Variants in TGFBR2 observed in about 807,000 individuals in gnomAD.
The protein encoded by TGFBR2 is TGF-beta receptor type-2.
TGFBR2 carries 18 observed loss-of-function variants against 49.0 expected under a neutral mutation model. That is an observed-to-expected ratio of 0.37 (90% CI 0.25 to 0.54). The LOEUF is 0.54. TGFBR2 is among the 20% of genes least tolerant of loss of function. The pLI is 0.85. For synonymous variants in TGFBR2, 282 were observed against 275.9 expected (o/e 1.02, Z -0.22); for missense variants, 525 against 722.6 (o/e 0.73, Z 3.13).
chr3:30,667,609 A>C (rs1237933102), intron 3 of TGFBR2, among the ~76,000 whole-genome samples: 1 of 152,210 alleles, frequency 6.6e-6, no homozygotes, highest in Non-Finnish European at 1.5e-5. Flanking sequence ...AATCTTCTTC[A>C]GTCAGTGCCA....
chr3:30,660,095 C>T (rs745774253), intron 3 of TGFBR2, among the ~76,000 whole-genome samples: 1 of 151,990 alleles, frequency 6.6e-6, no homozygotes, highest in Non-Finnish European at 1.5e-5. Context: ...TTTTTAAAAA[C>T]ATGTTAACTT....
chr3:30,648,423 C>CACACACAA (rs1161436720), intron 2 of TGFBR2, among the ~76,000 whole-genome samples: 7 of 82,942 alleles, frequency 8.4e-5, no homozygotes, highest in African/African-American at 4.2e-4. Flanking sequence ...ACAACCTACA[C>CACACACAA]ACACACACAC....
At chr3:30,648,803 T>G (rs930382330) in intron 2 of TGFBR2, among the ~76,000 whole-genome samples, 13 of 152,178 alleles carry the variant, frequency 8.5e-5, no homozygotes, top group Non-Finnish European at 1.5e-4. Flanking sequence ...ATGTTGACAC[T>G]GGCACCATTC....
chr3:30,633,763 G>C (rs1698479435), intron 1 of TGFBR2, among the ~76,000 whole-genome samples: 1 of 152,124 alleles, frequency 6.6e-6, no homozygotes. Flanking sequence ...TGAAATCTCT[G>C]AATTTTAAAA....
chr3:30,662,915 T>G (rs773463536), intron 3 of TGFBR2, among the ~76,000 whole-genome samples: 1 of 152,204 alleles, frequency 6.6e-6, no homozygotes, highest in Non-Finnish European at 1.5e-5. Flanking sequence ...CCTCTGAAAC[T>G]TGAATGTGTA....
intron 3 of TGFBR2, among the ~76,000 whole-genome samples, chr3:30,663,581 A>C (rs371371351): frequency 1.3e-5 from 2 of 152,216 alleles, no homozygotes; most frequent in African/African-American, 2.4e-5. Flanking sequence ...TAGTAGCAAG[A>C]CGACTACAGA....
Position 30,674,249 on chromosome 3 carries a change from A to G in TGFBR2, c.1396+3A>G. 6.2e-7 allele frequency: 1 copy of G among 1,614,126 alleles called. No homozygotes were observed. Among genetic ancestry groups the G allele is most frequent in the East Asian group, 2.2e-5 (1 of 44,874 alleles). On this transcript the variant is annotated splice_donor_region_variant and intron_variant, in intron 5 of 6. Coordinates refer to ENST00000295754, the MANE Select transcript of TGFBR2 (RefSeq NM_003242.6). ...ATCTCGCTGTAATGCAGTGGGAGGT[A>G]GGTGTGGACCAGCATCATTGTGTAG... is the stretch of plus-strand genomic sequence containing the variant.
chr3:30,666,993 T>C (rs1445076418), intron 3 of TGFBR2, among the ~76,000 whole-genome samples: 1 of 152,112 alleles, frequency 6.6e-6, no homozygotes, highest in Admixed American at 6.5e-5. Context: ...AGATCAGGTA[T>C]GGGGTTGAGA....
chr3:30,645,399 C>A (rs1698711994), intron 2 of TGFBR2, among the ~76,000 whole-genome samples: 1 of 151,892 alleles, frequency 6.6e-6, no homozygotes, highest in Non-Finnish European at 1.5e-5. Flanking sequence ...ACAAAAACAA[C>A]CTGTTTTTTT....
At chr3:30,670,930 C>A (rs536379772) in intron 3 of TGFBR2, among the ~76,000 whole-genome samples, 1 of 152,224 alleles carries the variant, frequency 6.6e-6, no homozygotes, top group African/African-American at 2.4e-5. Context: ...GACTCCTCTC[C>A]CTGTCACCCA....
rs2125410494 is a variant in TGFBR2 at position 30,650,405 on chromosome 3, C to T, written c.399C>T (p.Phe133=). ...MKEKKKPGET[F]FMCSCSSDEC... ...AAAAAAAAAAGCCTGGTGAGACTTTCTTCATGTGTTCCTGTAGCTCTGATG... is the reference window on the plus strand; with the variant it reads ...AAAAAAAAAAGCCTGGTGAGACTTTTTTCATGTGTTCCTGTAGCTCTGATG... Residue 133 remains phenylalanine, a synonymous_variant, in exon 3 of 7, where the codon TTC becomes TTT. Transcript: ENST00000295754. The T allele has an allele frequency of 1.2e-6, 2 of 1,613,974 alleles. No individual in the cohort carries two copies. The highest frequency in any genetic ancestry group is 1.1e-5 in the South Asian group (1 of 91,070).
chr3:30,680,738 C>A (rs1699525783), intron 5 of TGFBR2, among the ~76,000 whole-genome samples: 1 of 151,620 alleles, frequency 6.6e-6, no homozygotes, highest in South Asian at 2.1e-4. Context: ...GAAGTAAGAA[C>A]AAGACAAGAG....
Position 30,623,759 on chromosome 3 carries a change from ACTT to A in TGFBR2, c.94+16787_94+16789del, listed in dbSNP as rs374021063. On this transcript the variant is annotated intron_variant, in intron 1 of 6. Transcript: ENST00000295754. ...ACGGGCATCTTTACATAGGAAGTGC[ACTT>A]CTTCATCATATAGACATAGAGGTCA... is the stretch of plus-strand genomic sequence containing the variant. 1.9e-3 allele frequency among the ~76,000 whole-genome samples: 296 copies of A among 152,332 alleles called. 1 individual carries two copies. In the Middle Eastern group the frequency reaches 0.024, roughly 12 times the overall value.
intron 3 of TGFBR2, among the ~76,000 whole-genome samples, chr3:30,665,580 G>A (rs72850825): frequency 0.018 from 2,793 of 152,294 alleles, 85 homozygotes; most frequent in African/African-American, 0.064. Context: ...CCACTCCACA[G>A]AAGCTCCGAC....
At chr3:30,630,409 A>T (rs1698413206) in intron 1 of TGFBR2, among the ~76,000 whole-genome samples, 1 of 152,234 alleles carries the variant, frequency 6.6e-6, no homozygotes, top group Admixed American at 6.5e-5. Flanking sequence ...TATCTCTAGT[A>T]CTAAATGTTA....
intron 3 of TGFBR2, among the ~76,000 whole-genome samples, chr3:30,659,926 T>A (rs1045331288): frequency 1.3e-5 from 2 of 151,926 alleles, no homozygotes; most frequent in African/African-American, 2.4e-5. Context: ...CACTGTGAAA[T>A]TGACTTTTAT....
rs546847863 is a variant in TGFBR2, at chr3:30,681,763, T to G, written c.1397-6621T>G. On this transcript the variant is annotated intron_variant, in intron 5 of 6. Coordinates refer to ENST00000295754, the MANE Select transcript of TGFBR2 (RefSeq NM_003242.6). Reference sequence around the variant, plus strand: ...ACAGTCTGAGGGTGAGACAAAGACTTGGTTTGATGAACTAATTCTGCTGTG... The same window carrying G: ...ACAGTCTGAGGGTGAGACAAAGACTGGGTTTGATGAACTAATTCTGCTGTG... Among the ~76,000 whole-genome samples, 5 of 152,298 alleles carry G rather than the reference T, an allele frequency of 3.3e-5. No individual in the cohort carries two copies. The South Asian group carries it at 1.0e-3, about 32-fold the overall frequency.
Position 30,691,735 on chromosome 3 carries a change from G to A in TGFBR2, c.*136G>A. 1.1e-6 allele frequency: 1 copy of A among 947,754 alleles called. No individual in the cohort carries two copies. The highest frequency in any genetic ancestry group is 1.7e-6 in the Non-Finnish European group (1 of 598,452). The allele number at this position is 947,754 out of a possible 1,614,324, so 58.7% of individuals were successfully genotyped here. A position where few individuals can be genotyped will look rare whatever the true frequency, so the allele number is the denominator to read the frequency against. ...CACTCCCCTCCCTGTAAGCTGTGGGGATAAGCAGAAACAACAGCAGCAGGG... is the reference window on the plus strand; with the variant it reads ...CACTCCCCTCCCTGTAAGCTGTGGGAATAAGCAGAAACAACAGCAGCAGGG... On this transcript the variant is annotated 3_prime_UTR_variant, in exon 7 of 7. Coordinates refer to ENST00000295754, the MANE Select transcript of TGFBR2 (RefSeq NM_003242.6).
intron 1 of TGFBR2, among the ~76,000 whole-genome samples, chr3:30,607,826 A>AAT (rs1413108892): frequency 1.5e-5 from 2 of 136,236 alleles, no homozygotes; most frequent in African/African-American, 6.2e-5. Flanking sequence ...TATATATATA[A>AAT]ATATATATAT....
Sources: gnomAD v4.1 joint callset for allele counts (sites outside exome capture counted in the v4.1 genomes callset) on GRCh38, gnomAD v4.1.1 for gene constraint, MANE v1.5 for transcripts, NCBI Gene and HGNC (gene_info 2026-07-23, HGNC 2026-07-21) for gene names.